Variants in EYS observed in about 807,000 individuals in gnomAD.
EYS encodes the protein protein eyes shut homolog.
Under a neutral mutation model 282.1 loss-of-function variants are expected in EYS, and 250 were observed. That is an observed-to-expected ratio of 0.89 (90% CI 0.80 to 0.98). The LOEUF (loss-of-function observed/expected upper bound fraction) is 0.98, where lower values mean the gene tolerates loss of function less well. Ranked by LOEUF, EYS falls within the 50% of genes least tolerant of loss-of-function variation. The pLI is 0.00. For missense variants in EYS, 4,016 were observed against 3,709.0 expected, an observed-to-expected ratio of 1.08 and a Z score of -2.15; for synonymous variants, 1,355 against 1,282.9, an observed-to-expected ratio of 1.06 and a Z score of -1.20.
At chr6:65,279,468 T>C (rs932740135) in intron 12 of EYS, among the ~76,000 whole-genome samples, 6 of 152,160 alleles carry the variant, frequency 3.9e-5, no homozygotes, top group Admixed American at 2.6e-4. Context: ...TACCACACTT[T>C]CCCTAACTTA....
intron 18 of EYS, among the ~76,000 whole-genome samples, chr6:64,893,831 CACACATATATGTACACACATTTCAT>C (rs1767366931): frequency 4.1e-5 from 2 of 49,354 alleles, no homozygotes; most frequent in African/African-American, 6.6e-5. Context: ...TATGTATGCA[CACACATATATGTACACACATTTCAT>C]ACACATATAT....
At position 63,852,845 on chromosome 6, in the gene EYS, T is replaced by A. The variant is rs562452378; in HGVS notation, c.7228+11341A>T. 6.6e-5 allele frequency among the ~76,000 whole-genome samples: 10 copies of A among 152,302 alleles called. No individual in the cohort carries two copies. In the South Asian group the frequency reaches 1.9e-3, roughly 28 times the overall value. The stretch of plus-strand genomic sequence containing the variant: ...GGTTCTACATATGCAAATCAATAAA[T>A]GTAATCCATCACATAAACAGAACCA... On this transcript the variant is annotated intron_variant, in intron 36 of 42. Transcript: ENST00000503581.
At position 63,781,792 on chromosome 6, in the gene EYS, T is replaced by C. The variant is rs574111377; in HGVS notation, c.7724-3612A>G. On this transcript the variant is annotated intron_variant, in intron 39 of 42. Coordinates refer to ENST00000503581, the MANE Select transcript of EYS (RefSeq NM_001142800.2). ...CCAGAACTTCCAACAGTATGTTGAA[T>C]GGGAGTGGTGAGAGAGGGCATCCCT... Among the ~76,000 whole-genome samples the C allele has an allele frequency of 3.9e-5, 6 of 152,298 alleles. No individual in the cohort carries two copies. The South Asian group carries it at 6.2e-4, about 16-fold the overall frequency.
intron 26 of EYS, among the ~76,000 whole-genome samples, chr6:64,500,350 G>C (rs1301981072): frequency 6.6e-6 from 1 of 151,970 alleles, no homozygotes; most frequent in Non-Finnish European, 1.5e-5. Context: ...CCTGCTTCAT[G>C]GTACGTATCT....
At position 64,306,968 on chromosome 6, in the gene EYS, AC is replaced by A; in HGVS notation, c.6191+1del. The A allele has an allele frequency of 1.4e-6, 2 of 1,390,572 alleles. No homozygotes were observed. Among genetic ancestry groups the A allele is most frequent in the Non-Finnish European group, 2.0e-6 (2 of 1,003,700 alleles). 86.1% of individuals were successfully genotyped at this position (1,390,572 alleles called of 1,614,324 possible). A position where few individuals can be genotyped will look rare whatever the true frequency, so the allele number is the denominator to read the frequency against. On this transcript the variant is annotated splice_donor_variant, in intron 30 of 42. Transcript: ENST00000503581. LOFTEE classifies it high-confidence loss of function. The stretch of plus-strand genomic sequence containing the variant: ...TTAGAAAAATCACTACTGCTATTTT[AC>A]CTGCAATTGTTAATGTGATAGTTTT...
At position 64,875,225 on chromosome 6, in the gene EYS, T is replaced by TTG. The variant is rs145843431; in HGVS notation, c.2992+11470_2992+11471dup. Reference sequence around the variant, plus strand: ...AATTCTTACCTCAATTTGCACCAATTTGTGTGTGTGTGTGTGCTGAGGAAG... The same window carrying TTG: ...AATTCTTACCTCAATTTGCACCAATTTGTGTGTGTGTGTGTGTGCTGAGGAAG... On this transcript the variant is annotated intron_variant, in intron 19 of 42. Coordinates refer to ENST00000503581, the MANE Select transcript of EYS (RefSeq NM_001142800.2). Among the ~76,000 whole-genome samples the TTG allele has an allele frequency of 7.1e-3, 1,079 of 151,534 alleles. 17 individuals are homozygous for TTG. Among genetic ancestry groups the TTG allele is most frequent in the Admixed American group, 0.036 (543 of 15,152 alleles).
chr6:65,700,137 A>AAC (rs1159088071), intron 1 of EYS, among the ~76,000 whole-genome samples: 2 of 148,236 alleles, frequency 1.3e-5, no homozygotes, highest in African/African-American at 4.9e-5. Context: ...AAAAAAAAAA[A>AAC]AACTATATTA....
intron 7 of EYS, among the ~76,000 whole-genome samples, chr6:65,387,308 T>C (rs762141740): frequency 2.0e-5 from 3 of 151,924 alleles, no homozygotes; most frequent in Non-Finnish European, 4.4e-5. Context: ...CAAAATTCCA[T>C]CACCAGCATT....
At chr6:64,374,347 T>G (rs1336962801) in intron 29 of EYS, among the ~76,000 whole-genome samples, 4 of 151,950 alleles carry the variant, frequency 2.6e-5, no homozygotes, top group Non-Finnish European at 4.4e-5. Flanking sequence ...GAAGTCCTTT[T>G]GAACTTGAGA....
At chr6:64,467,872 T>C (rs569804336) in intron 26 of EYS, among the ~76,000 whole-genome samples, 2 of 152,180 alleles carry the variant, frequency 1.3e-5, no homozygotes, top group African/African-American at 2.4e-5. Context: ...CATCTGCATA[T>C]GCCACTCAAG....
At chr6:64,835,966 T>C (rs1451058911) in intron 19 of EYS, among the ~76,000 whole-genome samples, 1 of 151,656 alleles carries the variant, frequency 6.6e-6, no homozygotes, top group South Asian at 2.1e-4. Flanking sequence ...TCTTTTGGGC[T>C]AATGGTCAAA....
intron 22 of EYS, among the ~76,000 whole-genome samples, chr6:64,703,427 A>ATT (rs1488123469): frequency 3.5e-5 from 1 of 28,420 alleles, no homozygotes; most frequent in East Asian, 8.8e-4. Flanking sequence ...ATATATATAT[A>ATT]TATTTTTTTT....
intron 15 of EYS, among the ~76,000 whole-genome samples, chr6:64,938,080 A>C (rs1768968838): frequency 1.3e-5 from 2 of 151,744 alleles, no homozygotes; most frequent in African/African-American, 4.8e-5. Flanking sequence ...CAAATCCTAG[A>C]GATAGAAAGT....
At chr6:64,014,383 A>C (rs1489101216) in intron 33 of EYS, among the ~76,000 whole-genome samples, 1 of 151,988 alleles carries the variant, frequency 6.6e-6, no homozygotes, top group Admixed American at 6.6e-5. Context: ...TTTGTTTTCT[A>C]ATAATACTTC....
chr6:64,534,743 T>C (rs941465226), intron 26 of EYS, among the ~76,000 whole-genome samples: 1 of 152,172 alleles, frequency 6.6e-6, no homozygotes, highest in Non-Finnish European at 1.5e-5. Flanking sequence ...AACAACAACA[T>C]TTTCTCTCAA....
chr6:64,651,000 G>A (rs976598), intron 22 of EYS, among the ~76,000 whole-genome samples: 97,203 of 151,844 alleles, frequency 0.64, 31,334 homozygotes, highest in African/African-American at 0.71. Flanking sequence ...ACTCCTTAAT[G>A]AGTTATGATT....
chr6:65,170,494 A>C (rs952398338), intron 12 of EYS, among the ~76,000 whole-genome samples: 16 of 151,512 alleles, frequency 1.1e-4, no homozygotes, highest in Non-Finnish European at 1.9e-4. Context: ...CTAAGTGGTG[A>C]TCTAAATTTC....
chr6:65,460,074 T>TACACACACAC (rs71002308), intron 5 of EYS, among the ~76,000 whole-genome samples: 3 of 135,330 alleles, frequency 2.2e-5, no homozygotes, highest in African/African-American at 5.3e-5. Context: ...TATATATGTA[T>TACACACACAC]ACACACACAC....
chr6:64,294,800 G>C (rs1768850074), intron 30 of EYS, among the ~76,000 whole-genome samples: 1 of 152,104 alleles, frequency 6.6e-6, no homozygotes, highest in Admixed American at 6.5e-5. Flanking sequence ...AAAAAATTAA[G>C]ATTATACTTG....
Sources: allele counts gnomAD v4.1 joint callset (sites outside exome capture counted in the v4.1 genomes callset), GRCh38; gene constraint gnomAD v4.1.1; transcripts MANE v1.5; gene names NCBI Gene and HGNC (gene_info 2026-07-23, HGNC 2026-07-21).